HPSE2: variants seen among roughly 807,000 people sequenced by gnomAD.
The protein encoded by HPSE2 is inactive heparanase-2.
A neutral mutation model predicts 60.5 loss-of-function variants in HPSE2; 38 were observed. The observed-to-expected ratio is 0.63, with a 90% CI of 0.48 to 0.82. The LOEUF is 0.82. HPSE2 is among the 40% of genes least tolerant of loss of function. The probability of loss-of-function intolerance (pLI) is 0.00; values close to 1 mark genes in which losing one functional copy is unlikely to be tolerated. For missense variants in HPSE2, 713 were observed against 740.4 expected (o/e 0.96, Z 0.43); for synonymous variants, 295 against 293.2 (o/e 1.01, Z -0.06).
intron 3 of HPSE2, among the ~76,000 whole-genome samples, chr10:98,832,143 C>T (rs968810008): frequency 5.3e-5 from 8 of 152,134 alleles, no homozygotes; most frequent in African/African-American, 1.9e-4. Context: ...AAGAGGTTGG[C>T]TGTCCGCCTT....
chr10:98,736,228 C>A (rs528712303), intron 4 of HPSE2, among the ~76,000 whole-genome samples: 1 of 130,414 alleles, frequency 7.7e-6, no homozygotes, highest in African/African-American at 2.8e-5. Flanking sequence ...TTTTTTTATT[C>A]AGTTCTGGCT....
intron 5 of HPSE2, among the ~76,000 whole-genome samples, chr10:98,697,250 A>G (rs1948249413): frequency 6.6e-6 from 1 of 152,234 alleles, no homozygotes; most frequent in South Asian, 2.1e-4. Flanking sequence ...AAAGAAGCTA[A>G]GAATCTTGAT....
chr10:99,093,943 T>C (rs540934361), intron 3 of HPSE2, among the ~76,000 whole-genome samples: 2 of 152,206 alleles, frequency 1.3e-5, no homozygotes, highest in Non-Finnish European at 2.9e-5. Context: ...ACTATGTGTA[T>C]AGATATATAT....
At chr10:99,009,727 T>C (rs533597994) in intron 3 of HPSE2, among the ~76,000 whole-genome samples, 1 of 152,276 alleles carries the variant, frequency 6.6e-6, no homozygotes, top group East Asian at 1.9e-4. Context: ...TACTTAGGGA[T>C]TTCAGGACCA....
At chr10:98,867,207 A>G (rs923304753) in intron 3 of HPSE2, among the ~76,000 whole-genome samples, 22 of 152,080 alleles carry the variant, frequency 1.4e-4, no homozygotes, top group African/African-American at 5.3e-4. Flanking sequence ...AAGGGAATAA[A>G]GAAATTTTGG....
At chr10:99,153,422 C>A (rs1342452819) in intron 2 of HPSE2, among the ~76,000 whole-genome samples, 1 of 152,230 alleles carries the variant, frequency 6.6e-6, no homozygotes, top group Non-Finnish European at 1.5e-5. Context: ...GGCAGACTGC[C>A]TCCTCAAGTG....
At chr10:98,744,221 G>A in intron 3 of HPSE2, 165 bp from the exon 4 acceptor site, 1 of 734,800 alleles carries the variant, frequency 1.4e-6, no homozygotes, top group East Asian at 2.8e-5. Context: ...TACATTTCAA[G>A]TTGACTTTAG....
intron 3 of HPSE2, among the ~76,000 whole-genome samples, chr10:98,974,723 T>C (rs946203133): frequency 6.6e-6 from 1 of 152,200 alleles, no homozygotes; most frequent in Non-Finnish European, 1.5e-5. Context: ...ATATTCATCA[T>C]AAAGTATCCA....
chr10:99,305,979 G>GCGCA, the HPSE2 span, among the ~76,000 whole-genome samples: 404 of 80,568 alleles, frequency 5.0e-3, 6 homozygotes, highest in Non-Finnish European at 8.1e-3. Flanking sequence ...GCGCGCGCGC[G>GCGCA]CACACACACA....
At chr10:99,221,830 T>C (rs1373117096) in intron 2 of HPSE2, among the ~76,000 whole-genome samples, 1 of 152,108 alleles carries the variant, frequency 6.6e-6, no homozygotes, top group Non-Finnish European at 1.5e-5. Context: ...GAGTGCAGAC[T>C]GACCTTAGGG....
chr10:98,567,703 G>A (rs189319348), intron 9 of HPSE2, among the ~76,000 whole-genome samples: 115 of 152,158 alleles, frequency 7.6e-4, no homozygotes, highest in Non-Finnish European at 1.2e-3. Flanking sequence ...GGAATCAATG[G>A]TGATGCCTTG....
intron 3 of HPSE2, among the ~76,000 whole-genome samples, chr10:99,074,656 T>C (rs1181654047): frequency 6.6e-6 from 1 of 152,202 alleles, no homozygotes; most frequent in East Asian, 1.9e-4. Context: ...AAATGTTTGG[T>C]AGAATTCATC....
chr10:99,163,981 C>A (rs189569486), intron 2 of HPSE2, among the ~76,000 whole-genome samples: 2 of 151,844 alleles, frequency 1.3e-5, no homozygotes, highest in East Asian at 3.9e-4. Context: ...TTTCTCCATA[C>A]AACGTTACTA....
chr10:98,537,190 T>C (rs1172154048), intron 9 of HPSE2, among the ~76,000 whole-genome samples: 1 of 152,150 alleles, frequency 6.6e-6, no homozygotes, highest in Non-Finnish European at 1.5e-5. Context: ...TTAGAGAAGA[T>C]TCAAACTTAT....
chr10:98,963,775 G>T (rs1955742637), intron 3 of HPSE2, among the ~76,000 whole-genome samples: 1 of 152,070 alleles, frequency 6.6e-6, no homozygotes, highest in South Asian at 2.1e-4. Context: ...ATCAATGGTG[G>T]GCATTTCCAA....
At chr10:98,812,278 T>C (rs891234867) in intron 3 of HPSE2, among the ~76,000 whole-genome samples, 1 of 152,158 alleles carries the variant, frequency 6.6e-6, no homozygotes, top group Non-Finnish European at 1.5e-5. Context: ...CCATAAGAGA[T>C]TATCTGGTGG....
At chr10:98,682,332 T>C (rs1262136757) in intron 6 of HPSE2, among the ~76,000 whole-genome samples, 1 of 152,220 alleles carries the variant, frequency 6.6e-6, no homozygotes, top group Non-Finnish European at 1.5e-5. Flanking sequence ...ACAATGCTTG[T>C]ACAACCTGCA....
At chr10:98,479,562 A>G (rs1001041738) in intron 11 of HPSE2, among the ~76,000 whole-genome samples, 7 of 152,202 alleles carry the variant, frequency 4.6e-5, no homozygotes, top group African/African-American at 1.7e-4. Flanking sequence ...GAACATGTAC[A>G]TGACAGTTCC....
intron 3 of HPSE2, among the ~76,000 whole-genome samples, chr10:98,874,844 CT>C (rs1186991843): frequency 6.6e-6 from 1 of 151,880 alleles, no homozygotes; most frequent in Non-Finnish European, 1.5e-5. Flanking sequence ...TATCATAGGC[CT>C]TTTCCGGATC....
Sources: gnomAD v4.1 joint callset for allele counts (sites outside exome capture counted in the v4.1 genomes callset) on GRCh38, gnomAD v4.1.1 for gene constraint, MANE v1.5 for transcripts, NCBI Gene and HGNC (gene_info 2026-07-23, HGNC 2026-07-21) for gene names.